FBXL17: variants seen among roughly 807,000 people sequenced by gnomAD.
The protein encoded by FBXL17 is F-box/LRR-repeat protein 17.
Under a neutral mutation model 66.2 loss-of-function variants are expected in FBXL17, and 22 were observed. The ratio of observed to expected loss-of-function variants is 0.33; its 90% confidence interval spans 0.24 to 0.47. The LOEUF (loss-of-function observed/expected upper bound fraction) is 0.47. FBXL17 is among the 20% of genes least tolerant of loss of function. The pLI is 1.00. For missense variants in FBXL17, 878 were observed against 948.2 expected (o/e 0.93, Z 0.97); for synonymous variants, 474 against 400.5 (o/e 1.18, Z -2.19).
intron 6 of FBXL17, among the ~76,000 whole-genome samples, chr5:108,164,215 C>A (rs1054258266): frequency 6.6e-6 from 1 of 152,142 alleles, no homozygotes; most frequent in Non-Finnish European, 1.5e-5. Flanking sequence ...ATTATCCAAC[C>A]ATGACATTAA....
At chr5:107,985,479 C>G (rs1269919810) in intron 7 of FBXL17, among the ~76,000 whole-genome samples, 1 of 152,186 alleles carries the variant, frequency 6.6e-6, no homozygotes, top group East Asian at 1.9e-4. Flanking sequence ...GAAAGCTTGT[C>G]AGAGTTTGAT....
At chr5:108,174,748 C>CAAA (rs34237156) in intron 6 of FBXL17, among the ~76,000 whole-genome samples, 36 of 92,512 alleles carry the variant, frequency 3.9e-4, no homozygotes, top group African/African-American at 1.1e-3. Context: ...CACAAAGAAG[C>CAAA]AAAAAAAAAA....
intron 4 of FBXL17, among the ~76,000 whole-genome samples, chr5:108,295,442 G>T (rs935592105): frequency 6.6e-6 from 1 of 151,644 alleles, no homozygotes; most frequent in East Asian, 1.9e-4. Context: ...TTTACTGAAG[G>T]GCTAGGGAAT....
At chr5:108,122,011 A>G (rs540899813) in intron 6 of FBXL17, among the ~76,000 whole-genome samples, 23 of 152,324 alleles carry the variant, frequency 1.5e-4, no homozygotes, top group Non-Finnish European at 3.1e-4. Context: ...GCACTAGAAA[A>G]CAGATGGAAT....
chr5:107,871,248 C>G (rs1341233387), intron 8 of FBXL17, among the ~76,000 whole-genome samples: 2 of 152,104 alleles, frequency 1.3e-5, no homozygotes, highest in Non-Finnish European at 2.9e-5. Context: ...ACAGGCCTGG[C>G]TTCATGCTGT....
At chr5:107,966,434 T>A (rs1204833736) in intron 7 of FBXL17, among the ~76,000 whole-genome samples, 1 of 141,702 alleles carries the variant, frequency 7.1e-6, no homozygotes, top group Non-Finnish European at 1.6e-5. Flanking sequence ...GTGAGGTCAT[T>A]TGTCCAGTGA....
chr5:108,218,163 G>A (rs1483753881), intron 5 of FBXL17, among the ~76,000 whole-genome samples: 4 of 151,028 alleles, frequency 2.6e-5, no homozygotes, highest in African/African-American at 9.7e-5. Flanking sequence ...CTGCTACCAC[G>A]CCCATCTAAT....
intron 6 of FBXL17, among the ~76,000 whole-genome samples, chr5:108,087,758 C>A (rs953132145): frequency 6.6e-6 from 1 of 151,952 alleles, no homozygotes; most frequent in Non-Finnish European, 1.5e-5. Context: ...AAACAAAATG[C>A]CCCATCTCTC....
chr5:108,140,045 A>G (rs1751291320), intron 6 of FBXL17, among the ~76,000 whole-genome samples: 1 of 151,966 alleles, frequency 6.6e-6, no homozygotes, highest in Non-Finnish European at 1.5e-5. Flanking sequence ...CCCCCACCCT[A>G]TCATTTTTTG....
At chr5:108,145,213 G>T (rs1301437448) in intron 6 of FBXL17, among the ~76,000 whole-genome samples, 1 of 152,140 alleles carries the variant, frequency 6.6e-6, no homozygotes, top group Non-Finnish European at 1.5e-5. Context: ...AAGTTTACTG[G>T]TCAGATAATT....
chr5:107,953,311 G>C (rs915400656), intron 7 of FBXL17, among the ~76,000 whole-genome samples: 1 of 150,438 alleles, frequency 6.6e-6, no homozygotes, highest in South Asian at 2.1e-4. Context: ...GCTGAGGCAG[G>C]AGAATGGCGT....
chr5:108,297,830 G>T, intron 4 of FBXL17: 1 of 815,024 alleles, frequency 1.2e-6, no homozygotes, highest in Non-Finnish European at 1.5e-6. Context: ...TACTGAATAA[G>T]CATTTAACAT....
rs574352069 is a variant in FBXL17, at chr5:107,967,358, A to T, written c.1822+53567T>A. The stretch of plus-strand genomic sequence containing the variant: ...AATCTCTAGAACTGCTTAGATGTGC[A>T]GGCATGGAAGAACTTGACCAATGTT... On this transcript the variant is annotated intron_variant, in intron 7 of 8. Coordinates refer to ENST00000542267, the MANE Select transcript of FBXL17 (RefSeq NM_001163315.3). Among the ~76,000 whole-genome samples the T allele has an allele frequency of 3.2e-4, 49 of 152,160 alleles. 1 individual carries two copies. The South Asian group carries it at 9.8e-3, about 30-fold the overall frequency.
chr5:108,131,034 T>C (rs1485994945), intron 6 of FBXL17, among the ~76,000 whole-genome samples: 2 of 152,134 alleles, frequency 1.3e-5, no homozygotes, highest in Non-Finnish European at 2.9e-5. Context: ...TATACATCTC[T>C]AAGCAATTCT....
At position 108,254,009 on chromosome 5, in the gene FBXL17, C is replaced by T. The variant is rs369728089; in HGVS notation, c.1507-29781G>A. On this transcript the variant is annotated intron_variant, in intron 4 of 8. Coordinates refer to ENST00000542267, the MANE Select transcript of FBXL17 (RefSeq NM_001163315.3). ...AAGAAAAGAAACTGTAAAGAGGTAT[C>T]CACATACAAGTTATACCTTAATAGA... is the stretch of plus-strand genomic sequence containing the variant. Among the ~76,000 whole-genome samples, 35 of 152,054 alleles carry T rather than the reference C, an allele frequency of 2.3e-4. No individual in the cohort carries two copies. The South Asian group carries it at 7.1e-3, about 31-fold the overall frequency.
At chr5:108,087,672 T>C (rs77392213) in intron 6 of FBXL17, among the ~76,000 whole-genome samples, 21 of 152,126 alleles carry the variant, frequency 1.4e-4, no homozygotes, top group East Asian at 5.8e-4. Context: ...TTTCATATTA[T>C]AACACACTTT....
At chr5:108,359,044 T>C (rs904125589) in intron 3 of FBXL17, among the ~76,000 whole-genome samples, 2 of 152,058 alleles carry the variant, frequency 1.3e-5, no homozygotes, top group Non-Finnish European at 2.9e-5. Context: ...GTTTTTCTGG[T>C]TTCTGTATTT....
rs3217379 is a variant in FBXL17, at chr5:107,861,446, AT to A, written c.*273del. The A allele has an allele frequency of 0.25, 56,273 of 228,396 alleles. 9,180 individuals are homozygous for A. The highest frequency in any genetic ancestry group is 0.5 in the African/African-American group (22,064 of 44,172). 14.1% of individuals were successfully genotyped at this position (228,396 alleles called of 1,614,324 possible). Reference sequence around the variant, plus strand: ...ATTTTTTGACTCTATATTAAAAATAATTTTTTTTTAAAGAGAAAGAAGCCTT... The same window carrying A: ...ATTTTTTGACTCTATATTAAAAATAATTTTTTTTAAAGAGAAAGAAGCCTT... On this transcript the variant is annotated 3_prime_UTR_variant, in exon 9 of 9. Transcript: ENST00000542267.
intron 8 of FBXL17, among the ~76,000 whole-genome samples, chr5:107,864,111 G>C (rs1194091045): frequency 1.3e-5 from 2 of 152,134 alleles, no homozygotes; most frequent in African/African-American, 4.8e-5. Flanking sequence ...CATATCATAG[G>C]ACTGTTATAG....
Sources: allele counts gnomAD v4.1 joint callset (sites outside exome capture counted in the v4.1 genomes callset), GRCh38; gene constraint gnomAD v4.1.1; transcripts MANE v1.5; gene names NCBI Gene and HGNC (gene_info 2026-07-23, HGNC 2026-07-21).